The following RNF169 variants were observed in gnomAD, a reference collection of about 807,000 sequenced individuals.
RNF169 encodes the protein E3 ubiquitin-protein ligase RNF169.
In RNF169, 24 loss-of-function variants were observed where a neutral mutation model predicts 53.9. That is an observed-to-expected ratio of 0.45 (90% CI 0.32 to 0.63). The LOEUF is 0.63. Among genes scored for constraint, RNF169 ranks in the 20% least tolerant of loss-of-function variants. The pLI, the probability that RNF169 is intolerant of heterozygous loss-of-function variation, is 0.04. For missense variants in RNF169, 883 were observed against 906.2 expected (o/e 0.97, Z 0.33); for synonymous variants, 396 against 363.5 (o/e 1.09, Z -1.02).
intron 1 of RNF169, among the ~76,000 whole-genome samples, chr11:74,751,925 A>G (rs983355115): frequency 1.3e-5 from 2 of 152,114 alleles, no homozygotes; most frequent in African/African-American, 4.8e-5. Flanking sequence ...AAAATGTAAC[A>G]AAGTATACAA....
chr11:74,758,505 CTTT>C (rs967760598), intron 1 of RNF169, among the ~76,000 whole-genome samples: 1 of 143,888 alleles, frequency 6.9e-6, no homozygotes. Context: ...TCCATATGAA[CTTT>C]TTTTTTTTTT....
chr11:74,828,550 C>A (rs2036131796), intron 4 of RNF169, among the ~76,000 whole-genome samples: 1 of 152,002 alleles, frequency 6.6e-6, no homozygotes, highest in South Asian at 2.1e-4. Flanking sequence ...CAATTCTAAG[C>A]AAAAAGAAAA....
rs574948900 is a variant in RNF169 at position 74,772,921 on chromosome 11, G to A, written c.503-16705G>A. On this transcript the variant is annotated intron_variant, in intron 1 of 5. Transcript: ENST00000299563. Reference sequence around the variant, plus strand: ...TAAAAGTTCCAAAGCTATTGGCTAGGTACTAATAGTCCATAGTATGTCATC... The same window carrying A: ...TAAAAGTTCCAAAGCTATTGGCTAGATACTAATAGTCCATAGTATGTCATC... Among the ~76,000 whole-genome samples, 15 of 152,158 alleles carry A rather than the reference G, an allele frequency of 9.9e-5. No individual in the cohort carries two copies. In the South Asian group the frequency reaches 3.1e-3, roughly 32 times the overall value.
chr11:74,810,896 T>A (rs768740000), intron 3 of RNF169, among the ~76,000 whole-genome samples: 1 of 152,244 alleles, frequency 6.6e-6, no homozygotes, highest in African/African-American at 2.4e-5. Flanking sequence ...GGAAGCACTT[T>A]TGGAGGATCC....
At chr11:74,814,159 A>G (rs564579174) in intron 3 of RNF169, among the ~76,000 whole-genome samples, 95 of 151,924 alleles carry the variant, frequency 6.3e-4, no homozygotes, top group African/African-American at 2.1e-3. Context: ...CTTCTCTAAT[A>G]AAAAATACAA....
intron 1 of RNF169, among the ~76,000 whole-genome samples, chr11:74,758,646 C>T (rs1157507421): frequency 1.6e-3 from 240 of 151,542 alleles, no homozygotes; most frequent in Non-Finnish European, 3.1e-3. Context: ...GGACTACAGG[C>T]GCCCGCCACT....
chr11:74,749,126 G>T lies in RNF169; in HGVS notation c.246G>T (p.Pro82=). ...CCCCCGGAGAAGCAGCGGCCCTGCC[G>T]TGCGGCCACTCGCTTTGCCGAGGCT... ...LEPPGEAAAL[P]CGHSLCRGCA... is the part of the protein sequence containing the mutation. Residue 82 remains proline, a synonymous_variant, in exon 1 of 6, where the codon CCG becomes CCT. Coordinates refer to ENST00000299563, the MANE Select transcript of RNF169 (RefSeq NM_001098638.2). 7.4e-7 allele frequency: 1 copy of T among 1,352,174 alleles called. No individual in the cohort carries two copies. The allele number at this position is 1,352,174 out of a possible 1,614,324, so 83.8% of individuals were successfully genotyped here.
In RNF169 at chr11:74,769,781, C is replaced by G. The variant is rs557288392; in HGVS notation, c.503-19845C>G. Among the ~76,000 whole-genome samples the G allele has an allele frequency of 8.5e-5, 13 of 152,234 alleles. No individual in the cohort carries two copies. In the East Asian group the frequency reaches 1.4e-3, roughly 16 times the overall value. On this transcript the variant is annotated intron_variant, in intron 1 of 5. Coordinates refer to ENST00000299563, the MANE Select transcript of RNF169 (RefSeq NM_001098638.2). Reference sequence around the variant, plus strand: ...CTTGAGTGAGAAATGAAGAAACAATCAGCCAATGTAGACTCTACTCTCCTT... The same window carrying G: ...CTTGAGTGAGAAATGAAGAAACAATGAGCCAATGTAGACTCTACTCTCCTT...
intron 1 of RNF169, among the ~76,000 whole-genome samples, chr11:74,758,931 C>T (rs1478470344): frequency 1.3e-5 from 2 of 149,006 alleles, no homozygotes; most frequent in Non-Finnish European, 3.0e-5. Context: ...TTGATTCTTC[C>T]TACCCATGAG....
At position 74,764,666 on chromosome 11, in the gene RNF169, T is replaced by C. The variant is rs553497002; in HGVS notation, c.502+15284T>C. ...GTAACTTAGGGGAGAAAGTAGGATA[T>C]AAGAAGTTGTGATGAAGAAAGAAGT... On this transcript the variant is annotated intron_variant, in intron 1 of 5. Transcript: ENST00000299563. Among the ~76,000 whole-genome samples the C allele has an allele frequency of 4.6e-5, 7 of 152,290 alleles. No homozygotes were observed. In the East Asian group the frequency reaches 1.4e-3, roughly 29 times the overall value.
In RNF169 at chr11:74,835,842, C is replaced by T. The variant is rs748628238; in HGVS notation, c.1239C>T (p.Asn413=). Residue 413 remains asparagine, a synonymous_variant, in exon 6 of 6, where the codon AAC becomes AAT. Coordinates refer to ENST00000299563, the MANE Select transcript of RNF169 (RefSeq NM_001098638.2). ...SPLIIKSTPR[N]LNRSLQKQTS... ...TCATCATCAAATCAACTCCACGCAACCTAAACAGAAGCCTGCAGAAGCAGA... is the reference window on the plus strand; with the variant it reads ...TCATCATCAAATCAACTCCACGCAATCTAAACAGAAGCCTGCAGAAGCAGA... 1.1e-5 allele frequency: 17 copies of T among 1,614,062 alleles called. No homozygotes were observed. In the Admixed American group the frequency reaches 1.8e-4, roughly 17 times the overall value.
intron 1 of RNF169, among the ~76,000 whole-genome samples, chr11:74,752,010 G>T (rs552590429): frequency 6.6e-6 from 1 of 152,056 alleles, no homozygotes; most frequent in South Asian, 2.1e-4. Flanking sequence ...GAGGTGGGCG[G>T]ATCACAAGGT....
chr11:74,772,465 G>T (rs2035273930), intron 1 of RNF169, among the ~76,000 whole-genome samples: 1 of 133,284 alleles, frequency 7.5e-6, no homozygotes, highest in African/African-American at 3.0e-5. Flanking sequence ...TACTACTAGG[G>T]ATGCTGGTTT....
chr11:74,753,444 C>A (rs1332415543), intron 1 of RNF169, among the ~76,000 whole-genome samples: 3 of 152,040 alleles, frequency 2.0e-5, no homozygotes, highest in Non-Finnish European at 1.5e-5. Context: ...ACTAATAATA[C>A]CAGTTTTATA....
At chr11:74,797,635 G>A (rs1035390809) in intron 2 of RNF169, among the ~76,000 whole-genome samples, 14 of 152,240 alleles carry the variant, frequency 9.2e-5, no homozygotes, top group African/African-American at 3.4e-4. Flanking sequence ...TATTAGAAAT[G>A]ACTTGTGAAG....
intron 3 of RNF169, among the ~76,000 whole-genome samples, chr11:74,813,415 A>C (rs2035900785): frequency 6.6e-6 from 1 of 152,222 alleles, no homozygotes; most frequent in African/African-American, 2.4e-5. Flanking sequence ...AATTTATTAC[A>C]ATTTGTTATG....
chr11:74,753,544 A>G (rs2034934460), intron 1 of RNF169, among the ~76,000 whole-genome samples: 4 of 152,216 alleles, frequency 2.6e-5, no homozygotes, highest in African/African-American at 7.2e-5. Flanking sequence ...ATAACTTTCA[A>G]TGGCAAAAAC....
In RNF169 at chr11:74,835,970, C is replaced by G. The variant is rs972520466; in HGVS notation, c.1367C>G (p.Ala456Gly). The G allele has an allele frequency of 2.0e-5, 33 of 1,614,198 alleles. No individual in the cohort carries two copies. The highest frequency in any genetic ancestry group is 2.7e-5 in the Non-Finnish European group (32 of 1,180,036). ...TCAAAAGCCACTCTTACCTCTCTGG[C>G]TCCTGAAATGGGGGAAGAGTTACTA... is the stretch of plus-strand genomic sequence containing the variant. ...TLSKATLTSL[A>G]PEMGEELLGS... The change falls in exon 6 of 6, where the codon GCT (alanine) becomes GGT (glycine). Residue 456 changes from alanine (A) to glycine (G), a missense_variant. Coordinates refer to ENST00000299563, the MANE Select transcript of RNF169 (RefSeq NM_001098638.2).
At position 74,817,657 on chromosome 11, in the gene RNF169, C is replaced by T; in HGVS notation, c.785C>T (p.Thr262Ile). 6.2e-7 allele frequency: 1 copy of T among 1,614,074 alleles called. No individual in the cohort carries two copies. Among genetic ancestry groups the T allele is most frequent in the Admixed American group, 1.7e-5 (1 of 60,024 alleles). Residue 262 changes from threonine to isoleucine, a missense_variant, in exon 4 of 6, where the codon ACA becomes ATA. By Grantham distance (89) the Thr-to-Ile change is moderately conservative (BLOSUM62 -1). This residue lies in a region of RNF169 where 219 missense variants were observed against 289.1 expected (regional missense o/e 0.76). Coordinates refer to ENST00000299563, the MANE Select transcript of RNF169 (RefSeq NM_001098638.2). ...CCTTCTCGAGGCCAGATGACACAGA[C>T]ACATCGCTCGGCATTTGTTTCCAAG... ...EEPSRGQMTQTHRSAFVSKNN... is the reference protein window; with the variant it reads ...EEPSRGQMTQIHRSAFVSKNN...
Sources: gnomAD v4.1 joint callset for allele counts (sites outside exome capture counted in the v4.1 genomes callset) on GRCh38, gnomAD v4.1.1 for gene constraint, gnomAD v4.1.1 regional missense constraint, MANE v1.5 for transcripts, NCBI Gene and HGNC (gene_info 2026-07-23, HGNC 2026-07-21) for gene names.